RNF213: variants seen among roughly 807,000 people sequenced by gnomAD.
The protein encoded by RNF213 is ring finger protein 213.
A neutral mutation model predicts 514.4 loss-of-function variants in RNF213; 341 were observed. The ratio of observed to expected loss-of-function variants is 0.66; its 90% confidence interval spans 0.61 to 0.73. The LOEUF (loss-of-function observed/expected upper bound fraction) is 0.73. Ranked by LOEUF, RNF213 falls within the 30% of genes least tolerant of loss-of-function variation. The pLI is 0.00. For synonymous variants in RNF213, 2,655 were observed against 2,658.2 expected, an observed-to-expected ratio of 1.00 and a Z score of 0.04; for missense variants, 5,767 against 6,615.6, an observed-to-expected ratio of 0.87 and a Z score of 4.45.
At chr17:80,272,680 C>T (rs1598889007) in intron 2 of RNF213, among the ~76,000 whole-genome samples, 2 of 152,158 alleles carry the variant, frequency 1.3e-5, no homozygotes, top group South Asian at 2.1e-4. Context: ...AGTGCGTCCA[C>T]ACCACAATGA....
Position 80,393,575 on chromosome 17 carries a change from A to G in RNF213, c.*77A>G, listed in dbSNP as rs2080571244. 2.7e-6 allele frequency: 4 copies of G among 1,495,882 alleles called. No individual in the cohort carries two copies. The highest frequency in any genetic ancestry group is 3.7e-6 in the Non-Finnish European group (4 of 1,082,036). The allele number at this position is 1,495,882 out of a possible 1,614,324, so 92.7% of individuals were successfully genotyped here. A position where few individuals can be genotyped will look rare whatever the true frequency, so the allele number is the denominator to read the frequency against. On this transcript the variant is annotated 3_prime_UTR_variant, in exon 68 of 68. Coordinates refer to ENST00000582970, the MANE Select transcript of RNF213 (RefSeq NM_001256071.3). Reference sequence around the variant, plus strand: ...CCTCGTCTGCGGCGTGGACTTGATCATGGACTGGTGCCTTTGCATTCAGAA... The same window carrying G: ...CCTCGTCTGCGGCGTGGACTTGATCGTGGACTGGTGCCTTTGCATTCAGAA...
intron 54 of RNF213, 71 bp from the exon 55 acceptor site, chr17:80,379,549 T>C: frequency 1.5e-6 from 2 of 1,379,218 alleles, no homozygotes; most frequent in South Asian, 2.3e-5. Context: ...AGGTGTTCAT[T>C]TGCATGATGG....
In RNF213 at chr17:80,287,801, CTCTT is replaced by C. The variant is rs781720653; in HGVS notation, c.262-10_262-7del. 8.7e-6 allele frequency: 14 copies of C among 1,612,456 alleles called. No homozygotes were observed. Among genetic ancestry groups the C allele is most frequent in the South Asian group, 2.2e-5 (2 of 91,050 alleles). Reference sequence around the variant, plus strand: ...AATCTAAGAAATAAAGTGAGTGTCTCTCTTTCTGTTTAGAGCAAAAAGAAGAAAA... The same window carrying C: ...AATCTAAGAAATAAAGTGAGTGTCTCTCTGTTTAGAGCAAAAAGAAGAAAA... On this transcript the variant is annotated splice_polypyrimidine_tract_variant and intron_variant, in intron 3 of 67. Coordinates refer to ENST00000582970, the MANE Select transcript of RNF213 (RefSeq NM_001256071.3).
At chr17:80,284,267 G>A (rs1030264192) in intron 3 of RNF213, among the ~76,000 whole-genome samples, 3 of 152,208 alleles carry the variant, frequency 2.0e-5, no homozygotes, top group African/African-American at 7.2e-5. Context: ...GGGAGGCTGA[G>A]GCAGGATAAT....
At position 80,293,249 on chromosome 17, in the gene RNF213, G is replaced by A. The variant is rs562333036; in HGVS notation, c.1471+1422G>A. Among the ~76,000 whole-genome samples the A allele has an allele frequency of 2.6e-5, 4 of 151,708 alleles. No homozygotes were observed. The East Asian group carries it at 6.0e-4, about 23-fold the overall frequency. ...ATTTTTCATATATTTTTTTTGGAGA[G>A]ACTGGTCTTGCTGTGTTGCCCAGTC... On this transcript the variant is annotated intron_variant, in intron 8 of 67. Coordinates refer to ENST00000582970, the MANE Select transcript of RNF213 (RefSeq NM_001256071.3).
chr17:80,355,409 G>T (rs1303898154), intron 36 of RNF213: 16 of 245,408 alleles, frequency 6.5e-5, no homozygotes, highest in African/African-American at 1.1e-4. Flanking sequence ...GGGAATGGGG[G>T]CTCACGGAGG....
chr17:80,358,353 T>G lies in RNF213; in HGVS notation c.10928T>G (p.Ile3643Ser). ...TPLLASMISF[I>S]DRDGNLELLT... ...CTGCTGGCGAGCATGATATCATTCATCGACAGAGACGGCAACCTAGAGTTA... is the reference window on the plus strand; with the variant it reads ...CTGCTGGCGAGCATGATATCATTCAGCGACAGAGACGGCAACCTAGAGTTA... Residue 3643 changes from isoleucine (I) to serine (S), a missense_variant, in exon 37 of 68, where the codon ATC (isoleucine) becomes AGC (serine). Physicochemically the swap from Ile to Ser is moderately radical, Grantham distance 142 (BLOSUM62 -2). Transcript: ENST00000582970. The G allele has an allele frequency of 1.2e-6, 2 of 1,614,188 alleles. No individual in the cohort carries two copies. The highest frequency in any genetic ancestry group is 1.7e-6 in the Non-Finnish European group (2 of 1,180,030).
chr17:80,305,184 C>CTTTTTTTTTTTTTTTTT (rs71163950), intron 11 of RNF213, among the ~76,000 whole-genome samples: 3 of 127,434 alleles, frequency 2.4e-5, no homozygotes, highest in South Asian at 2.4e-4. Flanking sequence ...CAGCAGTGAA[C>CTTTTTTTTTTTTTTTTT]TTTTTTTTTT....
intron 13 of RNF213, among the ~76,000 whole-genome samples, chr17:80,308,460 T>TCTGAGTCCCTC (rs149068066): frequency 0.032 from 4,752 of 150,084 alleles, 260 homozygotes; most frequent in African/African-American, 0.11. Context: ...TAAGCCTCCT[T>TCTGAGTCCCTC]CTGAGTCCCT....
chr17:80,284,181 A>AC (rs1215586653), intron 3 of RNF213, among the ~76,000 whole-genome samples: 1 of 150,872 alleles, frequency 6.6e-6, no homozygotes, highest in Non-Finnish European at 1.5e-5. Context: ...ACATGGTGAA[A>AC]CCCCATCTGT....
chr17:80,306,180 C>A, intron 11 of RNF213, 72 bp from the exon 12 acceptor site: 1 of 1,400,050 alleles, frequency 7.1e-7, no homozygotes, highest in Non-Finnish European at 1.0e-6. Context: ...GTCCCTCCAG[C>A]ATTGGTTTCC....
chr17:80,293,193 G>A (rs2044802219), intron 8 of RNF213, among the ~76,000 whole-genome samples: 1 of 151,956 alleles, frequency 6.6e-6, no homozygotes, highest in Non-Finnish European at 1.5e-5. Context: ...AAGTAGCTGG[G>A]CCTACAGGCG....
chr17:80,332,096 C>G lies in RNF213; in HGVS notation c.3608C>G (p.Ser1203Trp), dbSNP rs200898632. ...DTVTVRLSTSSNSQRATHYHL... is the reference protein window; with the variant it reads ...DTVTVRLSTSWNSQRATHYHL... The stretch of plus-strand genomic sequence containing the variant: ...GTGACAGTGAGACTGTCCACCTCCT[C>G]GAACTCGCAGAGGGCAACGCATTAC... Residue 1203 changes from serine to tryptophan, a missense_variant, in exon 21 of 68, where the codon TCG (serine) becomes TGG (tryptophan). Around this residue, in one of 13 missense-constraint regions of RNF213, gnomAD observed 516 missense variants for 566.5 expected, o/e 0.91. Transcript: ENST00000582970. The G allele has an allele frequency of 1.3e-6, 2 of 1,537,192 alleles. No individual in the cohort carries two copies. The highest frequency in any genetic ancestry group is 8.7e-7 in the Non-Finnish European group (1 of 1,146,918).
chr17:80,304,031 G>A (rs1377607672), intron 11 of RNF213, among the ~76,000 whole-genome samples: 1 of 150,694 alleles, frequency 6.6e-6, no homozygotes, highest in Non-Finnish European at 1.5e-5. Flanking sequence ...ACCTAGAAAG[G>A]CTAGATATAG....
chr17:80,364,606 G>A, intron 42 of RNF213, 53 bp downstream of exon 42: 1 of 1,611,964 alleles, frequency 6.2e-7, no homozygotes, highest in South Asian at 1.1e-5. Context: ...TTTTCCGAAA[G>A]GAAGAACAGC....
intron 14 of RNF213, among the ~76,000 whole-genome samples, chr17:80,309,809 G>A (rs971453365): frequency 1.3e-5 from 2 of 151,968 alleles, no homozygotes; most frequent in African/African-American, 2.4e-5. Context: ...AGGCTGGAGT[G>A]CAGTGGCGTG....
In RNF213 at chr17:80,390,023, G is replaced by A; in HGVS notation, c.15297G>A (p.Gly5099=). Reference sequence around the variant, plus strand: ...TTCCGTCGTTTTAGGAGCCATTTGGGGAAATCAGTTCAAGGTACAAAGCGG... The same window carrying A: ...TTCCGTCGTTTTAGGAGCCATTTGGAGAAATCAGTTCAAGGTACAAAGCGG... The part of the protein sequence containing the change: ...QLLRLHKEPF[G]EISSRYKADL... Residue 5099 remains glycine (G), a synonymous_variant, in exon 67 of 68, where the codon GGG becomes GGA. Transcript: ENST00000582970. 4 of 1,614,172 alleles carry A rather than the reference G, an allele frequency of 2.5e-6. No individual in the cohort carries two copies. The highest frequency in any genetic ancestry group is 1.3e-5 in the African/African-American group (1 of 75,018).
At chr17:80,368,258 CAG>C in intron 44 of RNF213, 115 bp downstream of exon 44, 3 of 1,153,688 alleles carry the variant, frequency 2.6e-6, no homozygotes, top group Non-Finnish European at 3.9e-6. Context: ...AACCTGACCT[CAG>C]AGAACTATCA....
chr17:80,374,240 G>A (rs193159395), intron 49 of RNF213, among the ~76,000 whole-genome samples: 1 of 152,280 alleles, frequency 6.6e-6, no homozygotes, highest in Admixed American at 6.5e-5. Context: ...CGCTGCCGTC[G>A]GCAGGCATTC....
Sources: gnomAD v4.1 joint callset for allele counts (sites outside exome capture counted in the v4.1 genomes callset) on GRCh38, gnomAD v4.1.1 for gene constraint, gnomAD v4.1.1 regional missense constraint, MANE v1.5 for transcripts, NCBI Gene and HGNC (gene_info 2026-07-23, HGNC 2026-07-21) for gene names.